Variants in LUZP2 observed in about 807,000 individuals in gnomAD.
LUZP2 encodes leucine zipper protein 2.
In LUZP2, 52 loss-of-function variants were observed where a neutral mutation model predicts 51.6. The observed-to-expected ratio is 1.01, with a 90% CI of 0.81 to 1.27. LUZP2 has a LOEUF of 1.27. Ranked by LOEUF, LUZP2 falls within the 50% of genes most tolerant of loss-of-function variation. LUZP2 has a pLI of 0.00. For synonymous variants in LUZP2, 154 were observed against 137.3 expected, an observed-to-expected ratio of 1.12 and a Z score of -0.85; for missense variants, 436 against 395.4, an observed-to-expected ratio of 1.10 and a Z score of -0.87.
Position 24,653,028 on chromosome 11 carries a change from A to T in LUZP2, c.63-76141A>T, listed in dbSNP as rs564487117. ...AATTAAGGTGCTAAGTCAGAATGGT[A>T]GTAGTAGTGGTGGGGAACAAAATAT... On this transcript the variant is annotated intron_variant, in intron 1 of 11. Transcript: ENST00000336930. Among the ~76,000 whole-genome samples, 43 of 152,300 alleles carry T rather than the reference A, an allele frequency of 2.8e-4. 1 individual carries two copies. In the South Asian group the frequency reaches 8.1e-3, roughly 29 times the overall value.
intron 1 of LUZP2, among the ~76,000 whole-genome samples, chr11:24,632,395 G>T (rs1405111660): frequency 2.0e-5 from 3 of 151,936 alleles, no homozygotes; most frequent in Non-Finnish European, 4.4e-5. Context: ...AAATTGAACA[G>T]AAGTCTAATA....
intron 9 of LUZP2, among the ~76,000 whole-genome samples, chr11:25,031,674 T>A (rs1857691536): frequency 1.3e-5 from 2 of 152,148 alleles, no homozygotes; most frequent in Admixed American, 6.6e-5. Context: ...TCCCAGCTTT[T>A]AAATTTTTTT....
At chr11:24,816,564 T>C (rs2716478) in intron 5 of LUZP2, among the ~76,000 whole-genome samples, 148,537 of 152,066 alleles carry the variant, frequency 0.98, 72,652 homozygotes, top group East Asian at 1. Flanking sequence ...CTTGACCCAG[T>C]CAAATCTTGA....
intron 5 of LUZP2, among the ~76,000 whole-genome samples, chr11:24,764,963 C>A (rs1860126748): frequency 6.6e-6 from 1 of 151,942 alleles, no homozygotes; most frequent in East Asian, 1.9e-4. Context: ...GAAATACAAC[C>A]CTACAGAAAT....
rs141562546 is a variant in LUZP2 at position 24,983,184 on chromosome 11, G to A, written c.656G>A (p.Arg219His). ...CAGCTCTGCTTGACATCTGTTTTCC[G>A]TGATCAGCCTCCTCCCCCTTTGAGT... ...TVQLCLTSVFRDQPPPPLSLI... is the reference protein window; with the variant it reads ...TVQLCLTSVFHDQPPPPLSLI... The change falls in exon 9 of 12, where the codon CGT becomes CAT. Residue 219 changes from arginine (R) to histidine (H), a missense_variant. Transcript: ENST00000336930. 2.4e-4 allele frequency: 386 copies of A among 1,612,194 alleles called. No individual in the cohort carries two copies. The highest frequency in any genetic ancestry group is 2.9e-4 in the Non-Finnish European group (347 of 1,178,862).
chr11:24,914,353 A>C (rs1853731505), intron 6 of LUZP2, 123 bp from the exon 7 acceptor site: 1 of 707,370 alleles, frequency 1.4e-6, no homozygotes, highest in Non-Finnish European at 2.4e-6. Flanking sequence ...TTTACTTCTA[A>C]ACTGGTTGGA....
intron 3 of LUZP2, among the ~76,000 whole-genome samples, chr11:24,737,012 C>G (rs1446538924): frequency 2.0e-5 from 3 of 151,998 alleles, no homozygotes; most frequent in Non-Finnish European, 4.4e-5. Flanking sequence ...GGACATCAGT[C>G]TCAAGGCTAA....
intron 1 of LUZP2, among the ~76,000 whole-genome samples, chr11:24,502,197 TTG>T (rs1472371198): frequency 3.3e-5 from 5 of 152,136 alleles, no homozygotes; most frequent in Non-Finnish European, 5.9e-5. Flanking sequence ...TATAAAATCT[TTG>T]TGATTGATTT....
chr11:24,933,060 C>T (rs967137654), intron 7 of LUZP2, among the ~76,000 whole-genome samples: 3 of 152,164 alleles, frequency 2.0e-5, no homozygotes, highest in African/African-American at 4.8e-5. Flanking sequence ...CAGATAAGGT[C>T]AAATCATTCT....
intron 5 of LUZP2, among the ~76,000 whole-genome samples, chr11:24,803,413 T>C (rs1350721378): frequency 1.3e-5 from 2 of 152,134 alleles, no homozygotes; most frequent in East Asian, 1.9e-4. Context: ...TGTAGAGAAA[T>C]TGGAATCCTT....
chr11:24,970,043 T>C (rs1445465293), intron 7 of LUZP2, among the ~76,000 whole-genome samples: 1 of 152,218 alleles, frequency 6.6e-6, no homozygotes, highest in African/African-American at 2.4e-5. Flanking sequence ...AGCTGAATTA[T>C]AAAATCTGTT....
At chr11:24,715,338 T>C (rs1858002570) in intron 1 of LUZP2, among the ~76,000 whole-genome samples, 1 of 151,298 alleles carries the variant, frequency 6.6e-6, no homozygotes, top group Non-Finnish European at 1.5e-5. Flanking sequence ...TCTTGGTCGG[T>C]GAAGAGCAAT....
chr11:24,867,135 A>G (rs1173086930), intron 5 of LUZP2, among the ~76,000 whole-genome samples: 1 of 152,146 alleles, frequency 6.6e-6, no homozygotes, highest in Non-Finnish European at 1.5e-5. Context: ...CAAGAGATAA[A>G]TTAATAAAAG....
At chr11:24,666,922 G>C (rs1856232307) in intron 1 of LUZP2, among the ~76,000 whole-genome samples, 1 of 152,154 alleles carries the variant, frequency 6.6e-6, no homozygotes, top group South Asian at 2.1e-4. Context: ...TTATAATTCT[G>C]TTTTTATTTT....
At chr11:24,840,096 T>C (rs1368116656) in intron 5 of LUZP2, among the ~76,000 whole-genome samples, 1 of 151,862 alleles carries the variant, frequency 6.6e-6, no homozygotes, top group Non-Finnish European at 1.5e-5. Context: ...GGGACAATTC[T>C]CTGTATTTAA....
chr11:24,659,737 T>C (rs1047302892), intron 1 of LUZP2, among the ~76,000 whole-genome samples: 6 of 152,080 alleles, frequency 3.9e-5, no homozygotes, highest in South Asian at 2.1e-4. Context: ...TTTTTAAAAT[T>C]GTGATGTTGT....
At chr11:25,068,014 A>G (rs1001456283) in intron 10 of LUZP2, among the ~76,000 whole-genome samples, 1 of 152,094 alleles carries the variant, frequency 6.6e-6, no homozygotes, top group Non-Finnish European at 1.5e-5. Flanking sequence ...TGTCCTTTGC[A>G]GGAACATAGA....
intron 9 of LUZP2, among the ~76,000 whole-genome samples, chr11:25,009,216 T>C (rs1856917504): frequency 6.6e-6 from 1 of 152,200 alleles, no homozygotes; most frequent in Non-Finnish European, 1.5e-5. Flanking sequence ...TAGCTCATCA[T>C]AATTCATTTG....
intron 9 of LUZP2, among the ~76,000 whole-genome samples, chr11:25,041,550 T>TTAAA (rs1259420887): frequency 2.6e-5 from 4 of 152,168 alleles, no homozygotes; most frequent in Admixed American, 2.6e-4. Context: ...AATGTTGCAT[T>TTAAA]TAAAGTGCTT....
Sources: allele counts gnomAD v4.1 joint callset (sites outside exome capture counted in the v4.1 genomes callset), GRCh38; gene constraint gnomAD v4.1.1; transcripts MANE v1.5; gene names NCBI Gene and HGNC (gene_info 2026-07-23, HGNC 2026-07-21).